BCL11B: variants seen among roughly 807,000 people sequenced by gnomAD.
The protein encoded by BCL11B is BCL11 transcription factor B, also known as B-cell lymphoma/leukemia 11B.
In BCL11B, 8 loss-of-function variants were observed where a neutral mutation model predicts 49.9. That is an observed-to-expected ratio of 0.16 (90% CI 0.09 to 0.29). The LOEUF is 0.29. Ranked by LOEUF, BCL11B falls within the 10% of genes least tolerant of loss-of-function variation. BCL11B has a pLI of 1.00. For synonymous variants in BCL11B, 739 were observed against 637.4 expected (o/e 1.16, Z -2.40); for missense variants, 1,006 against 1,351.0 (o/e 0.74, Z 4.00).
Position 99,226,374 on chromosome 14 carries a change from C to T in BCL11B, c.640+4971G>A, listed in dbSNP as rs544394957. ...ACGGTTCTTTTTTTGTCTTCACCCC[C>T]ATACTCACCCCTCCCTCCAGTCTCA... On this transcript the variant is annotated intron_variant, in intron 3 of 3. Coordinates refer to ENST00000357195, the MANE Select transcript of BCL11B (RefSeq NM_138576.4). Among the ~76,000 whole-genome samples the T allele has an allele frequency of 2.0e-5, 3 of 152,144 alleles. No homozygotes were observed. The South Asian group carries it at 6.2e-4, about 32-fold the overall frequency.
At chr14:99,258,093 T>C (rs1272006441) in intron 1 of BCL11B, among the ~76,000 whole-genome samples, 1 of 152,202 alleles carries the variant, frequency 6.6e-6, no homozygotes, top group Non-Finnish European at 1.5e-5. Context: ...CCGATCTTAC[T>C]GCATTCTAGT....
At chr14:99,258,196 C>G (rs565828523) in intron 1 of BCL11B, among the ~76,000 whole-genome samples, 15 of 152,350 alleles carry the variant, frequency 9.8e-5, no homozygotes, top group African/African-American at 3.6e-4. Flanking sequence ...AGCATGAGGT[C>G]GTGATGTGTC....
In BCL11B at chr14:99,170,060, C is replaced by CT. The variant is rs1886238763; in HGVS notation, c.*4090dup. 8.8e-6 allele frequency: 2 copies of CT among 227,838 alleles called. No homozygotes were observed. Among genetic ancestry groups the CT allele is most frequent in the East Asian group, 1.3e-4 (2 of 15,874 alleles). 14.1% of individuals were successfully genotyped at this position (227,838 alleles called of 1,614,324 possible). On this transcript the variant is annotated 3_prime_UTR_variant, in exon 4 of 4. Transcript: ENST00000357195. The stretch of plus-strand genomic sequence containing the variant: ...TCTGCAGTCACAGAGACACACAATG[C>CT]TTGTGCTTTGGGATGGCTTAGTCCT...
At chr14:99,196,817 T>A (rs1055849933) in intron 3 of BCL11B, among the ~76,000 whole-genome samples, 2 of 152,206 alleles carry the variant, frequency 1.3e-5, no homozygotes, top group Non-Finnish European at 2.9e-5. Flanking sequence ...CAAGGCTGTG[T>A]GATACAACTC....
intron 3 of BCL11B, among the ~76,000 whole-genome samples, chr14:99,210,403 T>G (rs1887653608): frequency 6.6e-6 from 1 of 152,088 alleles, no homozygotes; most frequent in Non-Finnish European, 1.5e-5. Flanking sequence ...CTGGGCTTTC[T>G]CAGCCCACAG....
chr14:99,228,257 G>T lies in BCL11B; in HGVS notation c.640+3088C>A, dbSNP rs1482953535. ...CCTAACGGGTTACTGGGAACTTAAT[G>T]ACTCCATTCCAACTACTAATTAAAC... On this transcript the variant is annotated intron_variant, in intron 3 of 3. Coordinates refer to ENST00000357195, the MANE Select transcript of BCL11B (RefSeq NM_138576.4). The surrounding 1 kb of genome is among the most constrained non-coding windows in gnomAD (Gnocchi z 4.8). Among the ~76,000 whole-genome samples the T allele has an allele frequency of 2.0e-5, 3 of 152,134 alleles. No individual in the cohort carries two copies. Among genetic ancestry groups the T allele is most frequent in the Non-Finnish European group, 4.4e-5 (3 of 68,014 alleles).
At chr14:99,238,240 G>A (rs1275468622) in intron 2 of BCL11B, among the ~76,000 whole-genome samples, 3 of 152,006 alleles carry the variant, frequency 2.0e-5, no homozygotes, top group Non-Finnish European at 2.9e-5. Flanking sequence ...AGGAATGATC[G>A]CGTCCCCCAC....
chr14:99,171,720 A>ATT lies in BCL11B; in HGVS notation c.*2429_*2430dup, dbSNP rs140221285. 1 of 209,384 alleles carries ATT rather than the reference A, an allele frequency of 4.8e-6. No individual in the cohort carries two copies. The highest frequency in any genetic ancestry group is 2.3e-5 in the African/African-American group (1 of 43,826). 13.0% of individuals were successfully genotyped at this position (209,384 alleles called of 1,614,324 possible). On this transcript the variant is annotated 3_prime_UTR_variant, in exon 4 of 4. Transcript: ENST00000357195. Reference sequence around the variant, plus strand: ...AATCCCCAAATACAAGTTTCTATACATTTTTTTTGAAATAAAAATTCAACA... The same window carrying ATT: ...AATCCCCAAATACAAGTTTCTATACATTTTTTTTTTGAAATAAAAATTCAACA...
chr14:99,220,133 G>C (rs961424605), intron 3 of BCL11B, among the ~76,000 whole-genome samples: 2 of 152,214 alleles, frequency 1.3e-5, no homozygotes, highest in Admixed American at 6.5e-5. Flanking sequence ...GAACCTCTGT[G>C]CACTGTTGGT....
chr14:99,197,735 G>A lies in BCL11B; in HGVS notation c.641-21540C>T, dbSNP rs146677371. Among the ~76,000 whole-genome samples the A allele has an allele frequency of 1.6e-4, 24 of 152,270 alleles. 1 individual carries two copies. In the South Asian group the frequency reaches 3.1e-3, roughly 20 times the overall value. On this transcript the variant is annotated intron_variant, in intron 3 of 3. Transcript: ENST00000357195. ...AAAGGAAATGACCACAGCCAGAAACGAAGCAGACAGACGGCTGGAGCGGAG... is the reference window on the plus strand; with the variant it reads ...AAAGGAAATGACCACAGCCAGAAACAAAGCAGACAGACGGCTGGAGCGGAG...
intron 3 of BCL11B, among the ~76,000 whole-genome samples, chr14:99,202,235 C>T (rs1887405933): frequency 6.6e-6 from 1 of 152,190 alleles, no homozygotes. Flanking sequence ...AGCCATCCTA[C>T]CACCTCAGCC....
At chr14:99,221,061 C>T (rs2139865873) in intron 3 of BCL11B, among the ~76,000 whole-genome samples, 1 of 152,172 alleles carries the variant, frequency 6.6e-6, no homozygotes, top group East Asian at 1.9e-4. Context: ...AACATGTTGG[C>T]CAGGATGGTC....
chr14:99,244,504 G>C (rs923417090), intron 2 of BCL11B, among the ~76,000 whole-genome samples: 5 of 152,166 alleles, frequency 3.3e-5, no homozygotes, highest in Non-Finnish European at 5.9e-5. Context: ...ATGAGTGCTG[G>C]ACTGTGATCT....
rs1009913789 is a variant in BCL11B, at chr14:99,171,862, AT to A, written c.*2288del. The A allele has an allele frequency of 4.9e-5, 10 of 204,408 alleles. No homozygotes were observed. The highest frequency in any genetic ancestry group is 1.5e-4 in the East Asian group (2 of 13,228). 12.7% of individuals were successfully genotyped at this position (204,408 alleles called of 1,614,324 possible). ...ACATTTTCAAGGAAAAGAAAAGGGTATTTTTTTTCTTGTTTTGTAAAATGCC... is the reference window on the plus strand; with the variant it reads ...ACATTTTCAAGGAAAAGAAAAGGGTATTTTTTTCTTGTTTTGTAAAATGCC... On this transcript the variant is annotated 3_prime_UTR_variant, in exon 4 of 4. Coordinates refer to ENST00000357195, the MANE Select transcript of BCL11B (RefSeq NM_138576.4).
chr14:99,229,367 C>T (rs941163222), intron 3 of BCL11B, among the ~76,000 whole-genome samples: 2 of 146,384 alleles, frequency 1.4e-5, no homozygotes, highest in Non-Finnish European at 2.9e-5. Context: ...GATGGCAGAG[C>T]CCCCCAGAGC....
Position 99,169,962 on chromosome 14 carries a change from A to G in BCL11B, c.*4189T>C, listed in dbSNP as rs2139741121. 1 of 229,650 alleles carries G rather than the reference A, an allele frequency of 4.4e-6. No individual in the cohort carries two copies. The highest frequency in any genetic ancestry group is 1.8e-4 in the South Asian group (1 of 5,494). The allele number at this position is 229,650 out of a possible 1,614,324, so 14.2% of individuals were successfully genotyped here. A position where few individuals can be genotyped will look rare whatever the true frequency, so the allele number is the denominator to read the frequency against. On this transcript the variant is annotated 3_prime_UTR_variant, in exon 4 of 4. Transcript: ENST00000357195. ...AGGTCGGCTGGGTCACCCATGCTAGAGGCCTCTCTCTCGGGATCATCTGCT... is the reference window on the plus strand; with the variant it reads ...AGGTCGGCTGGGTCACCCATGCTAGGGGCCTCTCTCTCGGGATCATCTGCT...
chr14:99,212,910 C>A (rs74949846), intron 3 of BCL11B, among the ~76,000 whole-genome samples: 1 of 152,198 alleles, frequency 6.6e-6, no homozygotes, highest in Non-Finnish European at 1.5e-5. Context: ...CTGGGTCTGT[C>A]CCCAAACCCA....
intron 3 of BCL11B, among the ~76,000 whole-genome samples, chr14:99,183,376 T>C (rs710310): frequency 0.44 from 66,341 of 151,944 alleles, 14,639 homozygotes; most frequent in South Asian, 0.49. Context: ...GGACAGGGAC[T>C]GCGCTGGTCT....
chr14:99,203,360 CT>C (rs1887440954), intron 3 of BCL11B, among the ~76,000 whole-genome samples: 2 of 152,332 alleles, frequency 1.3e-5, no homozygotes, highest in African/African-American at 4.8e-5. Flanking sequence ...CACTTGACCC[CT>C]GAGACCTTCT....
Sources: gnomAD v4.1 joint callset for allele counts (sites outside exome capture counted in the v4.1 genomes callset) on GRCh38, gnomAD v4.1.1 for gene constraint, Gnocchi (gnomAD v3.1) non-coding constraint, MANE v1.5 for transcripts, NCBI Gene and HGNC (gene_info 2026-07-23, HGNC 2026-07-21) for gene names.